The following ARL8B variants were observed in gnomAD, a reference collection of about 807,000 sequenced individuals.
ARL8B encodes ADP-ribosylation factor-like protein 8B.
Under a neutral mutation model 30.6 loss-of-function variants are expected in ARL8B, and 9 were observed. The observed-to-expected ratio is 0.29, with a 90% CI of 0.18 to 0.51. The LOEUF is 0.51. Ranked by LOEUF, ARL8B falls within the 20% of genes least tolerant of loss-of-function variation. The probability of loss-of-function intolerance (pLI) is 0.97; values close to 1 mark genes in which losing one functional copy is unlikely to be tolerated. For missense variants in ARL8B, 130 were observed against 227.2 expected, an observed-to-expected ratio of 0.57 and a Z score of 2.75; for synonymous variants, 74 against 76.0, an observed-to-expected ratio of 0.97 and a Z score of 0.14.
intron 1 of ARL8B, among the ~76,000 whole-genome samples, chr3:5,145,758 C>G (rs2054413569): frequency 6.6e-6 from 1 of 152,196 alleles, no homozygotes; most frequent in Non-Finnish European, 1.5e-5. Flanking sequence ...ATGACTTAAT[C>G]TATAACCTAC....
chr3:5,155,179 T>C (rs2054520922), intron 1 of ARL8B, among the ~76,000 whole-genome samples: 2 of 152,236 alleles, frequency 1.3e-5, no homozygotes, highest in African/African-American at 4.8e-5. Context: ...TAGCTGAAAA[T>C]AGGATTCTCG....
intron 1 of ARL8B, among the ~76,000 whole-genome samples, chr3:5,150,633 C>G (rs1247931526): frequency 2.1e-5 from 3 of 144,670 alleles, no homozygotes; most frequent in Non-Finnish European, 3.1e-5. Flanking sequence ...AAATACAAAA[C>G]TTAGCTGGGC....
At chr3:5,154,018 G>A (rs181599586) in intron 1 of ARL8B, among the ~76,000 whole-genome samples, 9 of 151,678 alleles carry the variant, frequency 5.9e-5, no homozygotes, top group Admixed American at 4.6e-4. Flanking sequence ...ATTCTCTAAT[G>A]TCATGCATCA....
intron 6 of ARL8B, among the ~76,000 whole-genome samples, chr3:5,177,184 T>A (rs539360220): frequency 2.6e-4 from 39 of 152,344 alleles, no homozygotes; most frequent in African/African-American, 9.1e-4. Context: ...TGAGGACTTC[T>A]TTCGCTATTT....
Position 5,124,741 on chromosome 3 carries a change from A to T in ARL8B, c.123+2153A>T, listed in dbSNP as rs139275924. 8.0e-3 allele frequency among the ~76,000 whole-genome samples: 1,213 copies of T among 152,300 alleles called. 17 individuals carry two copies. The highest frequency in any genetic ancestry group is 0.028 in the African/African-American group (1,149 of 41,560). ...AGTCTTCCTGCCTTGGCCTCCCAGC[A>T]TACTGGGATTATAAGCCTGCTAGAG... On this transcript the variant is annotated intron_variant, in intron 1 of 6. Transcript: ENST00000256496.
intron 4 of ARL8B, among the ~76,000 whole-genome samples, chr3:5,173,352 A>T (rs1003461572): frequency 1.3e-5 from 2 of 152,244 alleles, no homozygotes; most frequent in Non-Finnish European, 2.9e-5. Context: ...TCAACCAGTA[A>T]GTATATAATG....
At chr3:5,146,861 G>C (rs1485178925) in intron 1 of ARL8B, among the ~76,000 whole-genome samples, 2 of 152,198 alleles carry the variant, frequency 1.3e-5, no homozygotes, top group East Asian at 3.9e-4. Flanking sequence ...GGTGAATTAG[G>C]GAGGAGCAAG....
intron 1 of ARL8B, among the ~76,000 whole-genome samples, chr3:5,148,451 C>T (rs1449745158): frequency 6.6e-6 from 1 of 152,146 alleles, no homozygotes; most frequent in Non-Finnish European, 1.5e-5. Context: ...CTCCTGTGGT[C>T]TCCAGGTCTA....
Position 5,174,350 on chromosome 3 carries a change from G to T in ARL8B, c.447G>T (p.Leu149=). Residue 149 remains leucine (L), a synonymous_variant, in exon 6 of 7, where the codon CTG becomes CTT. Coordinates refer to ENST00000256496, the MANE Select transcript of ARL8B (RefSeq NM_018184.3). ...CTTTTAATTCTTCTCATAGGAATCT[G>T]TCTGCTATTCAGGATAGAGAAATTT... is the stretch of plus-strand genomic sequence containing the variant. ...DEKQLIEKMN[L]SAIQDREICC... 1 of 1,600,264 alleles carries T rather than the reference G, an allele frequency of 6.2e-7. No individual in the cohort carries two copies. Among genetic ancestry groups the T allele is most frequent in the Non-Finnish European group, 8.6e-7 (1 of 1,167,834 alleles).
intron 1 of ARL8B, among the ~76,000 whole-genome samples, chr3:5,163,477 G>A (rs963273436): frequency 1.3e-5 from 2 of 152,176 alleles, no homozygotes; most frequent in Admixed American, 6.5e-5. Context: ...TTTAAGGATT[G>A]TCCATAGTGT....
intron 3 of ARL8B, 44 bp from the exon 4 acceptor site, chr3:5,172,603 A>G (rs1412568607): frequency 8.0e-7 from 1 of 1,249,656 alleles, no homozygotes; most frequent in Non-Finnish European, 1.2e-6. Context: ...GTCATCATCA[A>G]GGCATACAGA....
intron 1 of ARL8B, among the ~76,000 whole-genome samples, chr3:5,145,170 A>C (rs796780975): frequency 6.6e-6 from 1 of 152,134 alleles, no homozygotes; most frequent in African/African-American, 2.4e-5. Flanking sequence ...GGTCAGGTTT[A>C]GCTTTGATTT....
chr3:5,158,818 C>T (rs2054554431), intron 1 of ARL8B, among the ~76,000 whole-genome samples: 1 of 151,232 alleles, frequency 6.6e-6, no homozygotes, highest in South Asian at 2.1e-4. Flanking sequence ...TTATTAGTCC[C>T]TTGATTCTGT....
chr3:5,147,805 C>G (rs1372593177), intron 1 of ARL8B, among the ~76,000 whole-genome samples: 1 of 151,612 alleles, frequency 6.6e-6, no homozygotes, highest in African/African-American at 2.4e-5. Context: ...AAGGCCTTGC[C>G]CTACTGGGTC....
At chr3:5,130,258 C>G (rs1343165955) in intron 1 of ARL8B, among the ~76,000 whole-genome samples, 1 of 151,808 alleles carries the variant, frequency 6.6e-6, no homozygotes, top group African/African-American at 2.4e-5. Flanking sequence ...CTCCTGGGCT[C>G]AAGAGATTCT....
Position 5,122,451 on chromosome 3 carries a change from C to T in ARL8B, c.-15C>T, listed in dbSNP as rs775434253. ...TCGTCCGTCCTCCCGTCCGTTCTCG[C>T]TCCCGGCCGCCATCATGCTGGCGCT... On this transcript the variant is annotated 5_prime_UTR_variant, in exon 1 of 7. Transcript: ENST00000256496. 3 of 1,612,222 alleles carry T rather than the reference C, an allele frequency of 1.9e-6. No individual in the cohort carries two copies. Among genetic ancestry groups the T allele is most frequent in the African/African-American group, 2.7e-5 (2 of 74,908 alleles).
intron 1 of ARL8B, among the ~76,000 whole-genome samples, chr3:5,152,766 A>G (rs1439127635): frequency 1.3e-5 from 2 of 152,220 alleles, no homozygotes; most frequent in Non-Finnish European, 1.5e-5. Context: ...AATTACAGGC[A>G]TGAGCCACTG....
Position 5,125,637 on chromosome 3 carries a change from A to G in ARL8B, c.123+3049A>G, listed in dbSNP as rs1047182090. ...AACCTCTGCCTCCTGGGTTCAAGCT[A>G]TTCTCGTGCCTCAGCCTCCCGAGTA... On this transcript the variant is annotated intron_variant, in intron 1 of 6. Transcript: ENST00000256496. Among the ~76,000 whole-genome samples, 9 of 151,504 alleles carry G rather than the reference A, an allele frequency of 5.9e-5. 1 individual carries two copies. The highest frequency in any genetic ancestry group is 2.1e-4 in the South Asian group (1 of 4,800).
At chr3:5,174,706 G>A (rs1447936866) in intron 6 of ARL8B, among the ~76,000 whole-genome samples, 2 of 139,094 alleles carry the variant, frequency 1.4e-5, no homozygotes, top group East Asian at 4.1e-4. Flanking sequence ...TAATATATAT[G>A]TAATATGTAT....
Sources: gnomAD v4.1 joint callset for allele counts (sites outside exome capture counted in the v4.1 genomes callset) on GRCh38, gnomAD v4.1.1 for gene constraint, MANE v1.5 for transcripts, NCBI Gene and HGNC (gene_info 2026-07-23, HGNC 2026-07-21) for gene names.